Variants in TBL1XR1 observed in about 807,000 individuals in gnomAD.
The protein encoded by TBL1XR1 is F-box-like/WD repeat-containing protein TBL1XR1.
Under a neutral mutation model 66.9 loss-of-function variants are expected in TBL1XR1, and 5 were observed. That is an observed-to-expected ratio of 0.07 (90% CI 0.04 to 0.16). The LOEUF is 0.16. Ranked by LOEUF, TBL1XR1 falls within the 10% of genes least tolerant of loss-of-function variation. TBL1XR1 has a pLI of 1.00. For missense variants in TBL1XR1, 238 were observed against 623.2 expected (o/e 0.38, Z 6.58); for synonymous variants, 210 against 206.0 (o/e 1.02, Z -0.17).
chr3:177,189,924 T>C (rs1255648493), intron 1 of TBL1XR1, among the ~76,000 whole-genome samples: 1 of 151,960 alleles, frequency 6.6e-6, no homozygotes, highest in East Asian at 1.9e-4. Context: ...CTATCTTAAC[T>C]TAGGTACACT....
chr3:177,154,730 T>C (rs957641153), intron 1 of TBL1XR1, among the ~76,000 whole-genome samples: 2 of 152,144 alleles, frequency 1.3e-5, no homozygotes, highest in African/African-American at 4.8e-5. Context: ...TATTTAGAGT[T>C]GGAGATTAAC....
At chr3:177,186,941 C>T (rs542317779) in intron 1 of TBL1XR1, among the ~76,000 whole-genome samples, 9 of 151,860 alleles carry the variant, frequency 5.9e-5, no homozygotes, top group African/African-American at 1.7e-4. Flanking sequence ...CCGAGGCGGG[C>T]GGATCACAAG....
At chr3:177,092,593 C>T (rs1722973370) in intron 2 of TBL1XR1, among the ~76,000 whole-genome samples, 1 of 152,110 alleles carries the variant, frequency 6.6e-6, no homozygotes, top group Non-Finnish European at 1.5e-5. Context: ...CAGCACCTCA[C>T]ATCCATTAAG....
rs537012514 is a variant in TBL1XR1, at chr3:177,188,440, AG to A, written c.-122+8680del. ...CACATGCCTGTAATCCCAGCTACTC[AG>A]AAGGCTGAGGCAGGAGAACTGCTTG... On this transcript the variant is annotated intron_variant, in intron 1 of 15. Transcript: ENST00000457928. Among the ~76,000 whole-genome samples, 1,077 of 152,044 alleles carry A rather than the reference AG, an allele frequency of 7.1e-3. 18 individuals carry two copies. Among genetic ancestry groups the A allele is most frequent in the African/African-American group, 0.024 (1,016 of 41,498 alleles).
chr3:177,152,740 T>C (rs1363304522), intron 1 of TBL1XR1, among the ~76,000 whole-genome samples: 2 of 152,256 alleles, frequency 1.3e-5, no homozygotes, highest in Admixed American at 6.5e-5. Flanking sequence ...ATCTCAGAAT[T>C]TGATAGCCCA....
In TBL1XR1 at chr3:177,109,025, A is replaced by G. The variant is rs375658322; in HGVS notation, c.-121-10484T>C. ...TATCTGGATACCAAAAATCACTTCT[A>G]TAATAGAGATGAAAATGTTATTGTC... is the stretch of plus-strand genomic sequence containing the variant. On this transcript the variant is annotated intron_variant, in intron 1 of 15. Transcript: ENST00000457928. Among the ~76,000 whole-genome samples the G allele has an allele frequency of 8.5e-5, 13 of 152,334 alleles. 1 individual carries two copies. The East Asian group carries it at 2.5e-3, about 29-fold the overall frequency.
In TBL1XR1 at chr3:177,025,468, T is replaced by C. The variant is rs1712974127; in HGVS notation, c.*30A>G. On this transcript the variant is annotated 3_prime_UTR_variant, in exon 16 of 16. Coordinates refer to ENST00000457928, the MANE Select transcript of TBL1XR1 (RefSeq NM_024665.7). Reference sequence around the variant, plus strand: ...GTCATTTTGGCTATGTACACATTCATAGTCGGTCCATGGCTTCCAACTAGT... The same window carrying C: ...GTCATTTTGGCTATGTACACATTCACAGTCGGTCCATGGCTTCCAACTAGT... The C allele has an allele frequency of 1.2e-6, 2 of 1,611,422 alleles. No individual in the cohort carries two copies. The highest frequency in any genetic ancestry group is 3.3e-5 in the Admixed American group (2 of 59,884).
At chr3:177,201,394 GAC>G (rs1737337131), upstream of TBL1XR1, among the ~76,000 whole-genome samples, 1 of 123,596 alleles carries the variant, frequency 8.1e-6, no homozygotes, top group Non-Finnish European at 1.6e-5. Flanking sequence ...CTGGGCGGGT[GAC>G]AGAGTGAGAT....
chr3:177,181,820 A>AG (rs1262119435), intron 1 of TBL1XR1, among the ~76,000 whole-genome samples: 25 of 109,520 alleles, frequency 2.3e-4, no homozygotes, highest in African/African-American at 3.1e-4. Context: ...GGTTCAAGTT[A>AG]GGAAAAAAAA....
intron 1 of TBL1XR1, among the ~76,000 whole-genome samples, chr3:177,130,624 AG>A (rs1015152058): frequency 8.5e-5 from 13 of 152,216 alleles, no homozygotes; most frequent in Non-Finnish European, 1.8e-4. Context: ...AGATGTGGAA[AG>A]GTTTTTTGCT....
At chr3:177,192,411 A>AG (rs1553764326) in intron 1 of TBL1XR1, among the ~76,000 whole-genome samples, 2 of 151,600 alleles carry the variant, frequency 1.3e-5, no homozygotes, top group African/African-American at 2.4e-5. Flanking sequence ...AAAAAAAAAA[A>AG]AAAGAAAGAA....
At chr3:177,188,683 T>C (rs1735743471) in intron 1 of TBL1XR1, among the ~76,000 whole-genome samples, 1 of 152,232 alleles carries the variant, frequency 6.6e-6, no homozygotes, top group African/African-American at 2.4e-5. Context: ...ACAGTTTAAA[T>C]GTTCAACAGG....
intron 2 of TBL1XR1, among the ~76,000 whole-genome samples, chr3:177,086,353 G>A (rs1722114804): frequency 6.6e-6 from 1 of 151,732 alleles, no homozygotes; most frequent in African/African-American, 2.4e-5. Context: ...ATGTCCAAGT[G>A]TTCAACAGCT....
intron 1 of TBL1XR1, among the ~76,000 whole-genome samples, chr3:177,154,203 T>C (rs1238466260): frequency 6.6e-6 from 1 of 152,066 alleles, no homozygotes; most frequent in Non-Finnish European, 1.5e-5. Context: ...ATATATCTCA[T>C]GACAAAATTA....
At chr3:177,093,456 A>G (rs1723080231) in intron 2 of TBL1XR1, among the ~76,000 whole-genome samples, 1 of 152,206 alleles carries the variant, frequency 6.6e-6, no homozygotes, top group African/African-American at 2.4e-5. Context: ...CATTCTTCAC[A>G]GAAGTACAAA....
At chr3:177,141,450 A>G (rs1206544425) in intron 1 of TBL1XR1, among the ~76,000 whole-genome samples, 1 of 152,128 alleles carries the variant, frequency 6.6e-6, no homozygotes, top group African/African-American at 2.4e-5. Context: ...TCAACAGAAC[A>G]GTATGCATAT....
At chr3:177,158,052 G>A (rs527280592) in intron 1 of TBL1XR1, among the ~76,000 whole-genome samples, 9 of 152,038 alleles carry the variant, frequency 5.9e-5, no homozygotes, top group Non-Finnish European at 1.0e-4. Context: ...TTGGAAAACT[G>A]TGAGGCTATC....
intron 12 of TBL1XR1, among the ~76,000 whole-genome samples, chr3:177,036,371 C>G (rs1208957449): frequency 6.6e-6 from 1 of 152,232 alleles, no homozygotes; most frequent in African/African-American, 2.4e-5. Flanking sequence ...CTCATTCCAT[C>G]TGGCATTCCC....
In TBL1XR1 at chr3:177,049,885, A is replaced by AGG. The variant is rs879268896; in HGVS notation, c.702+111_702+112insCC. 0.045 allele frequency: 36,519 copies of AGG among 816,802 alleles called. 4,711 individuals carry two copies. Among genetic ancestry groups the AGG allele is most frequent in the African/African-American group, 0.2 (11,129 of 54,914 alleles). 50.6% of individuals were successfully genotyped at this position (816,802 alleles called of 1,614,324 possible). ...GGACGACTCCCGGTTTGTTGTTACT[A>AGG]GTTAATAAAACCCCAAATTCTGAAC... is the stretch of plus-strand genomic sequence containing the variant. On this transcript the variant is annotated intron_variant, in intron 7 of 15. Coordinates refer to ENST00000457928, the MANE Select transcript of TBL1XR1 (RefSeq NM_024665.7).
Sources: allele counts gnomAD v4.1 joint callset (sites outside exome capture counted in the v4.1 genomes callset), GRCh38; gene constraint gnomAD v4.1.1; transcripts MANE v1.5; gene names NCBI Gene and HGNC (gene_info 2026-07-23, HGNC 2026-07-21).